Variants in ACSM3 observed in about 807,000 individuals in gnomAD.
ACSM3 encodes acyl-coenzyme A synthetase ACSM3, mitochondrial.
A neutral mutation model predicts 74.1 loss-of-function variants in ACSM3; 61 were observed. The ratio of observed to expected loss-of-function variants is 0.82; its 90% confidence interval spans 0.67 to 1.02. The LOEUF is 1.02. Ranked by LOEUF, ACSM3 falls within the 50% of genes least tolerant of loss-of-function variation. ACSM3 has a pLI of 0.00. For missense variants in ACSM3, 660 were observed against 697.0 expected (o/e 0.95, Z 0.60); for synonymous variants, 213 against 241.5 (o/e 0.88, Z 1.09).
intron 1 of ACSM3, among the ~76,000 whole-genome samples, chr16:20,706,635 C>A (rs749556773): frequency 6.6e-6 from 1 of 152,192 alleles, no homozygotes; most frequent in Admixed American, 6.6e-5. Context: ...TTGGAAATGG[C>A]CCCATCTGCC....
intron 4 of ACSM3, 136 bp downstream of exon 4, chr16:20,777,716 C>T: frequency 1.3e-6 from 1 of 758,078 alleles, no homozygotes; most frequent in Non-Finnish European, 2.1e-6. Context: ...TATTGCTGCA[C>T]TAATAGTGCT....
intron 9 of ACSM3, among the ~76,000 whole-genome samples, chr16:20,789,949 C>T (rs1481255613): frequency 7.9e-5 from 12 of 151,532 alleles, no homozygotes; most frequent in South Asian, 4.2e-4. Flanking sequence ...GCTAGGATTA[C>T]AGGCATGAGC....
chr16:20,749,104 GT>G (rs1484801526), intron 1 of ACSM3, among the ~76,000 whole-genome samples: 1 of 151,944 alleles, frequency 6.6e-6, no homozygotes, highest in African/African-American at 2.4e-5. Flanking sequence ...TGAGATATGT[GT>G]AATATGAACT....
rs141374944 is a variant in ACSM3, at chr16:20,675,465, G to A, written c.-190+643G>A. ...AAAGGCACGTTCCTGGCTAAGCAGCGTCTGAAACTCCTGTAATAGGACCCA... is the reference window on the plus strand; with the variant it reads ...AAAGGCACGTTCCTGGCTAAGCAGCATCTGAAACTCCTGTAATAGGACCCA... On this transcript the variant is annotated intron_variant, in intron 1 of 3. Transcript: ENST00000561584. Among the ~76,000 whole-genome samples the A allele has an allele frequency of 6.5e-3, 986 of 152,258 alleles. 25 individuals are homozygous for A. Among genetic ancestry groups the A allele is most frequent in the Admixed American group, 0.044 (669 of 15,302 alleles).
intron 3 of ACSM3, among the ~76,000 whole-genome samples, chr16:20,758,170 C>A (rs1386671956): frequency 6.6e-6 from 1 of 152,154 alleles, no homozygotes; most frequent in African/African-American, 2.4e-5. Flanking sequence ...AGGGAGGATT[C>A]CCTCTTTTTC....
chr16:20,682,980 C>CTCAAGCCTTTG (rs1263343806), intron 1 of ACSM3, among the ~76,000 whole-genome samples: 1 of 152,156 alleles, frequency 6.6e-6, no homozygotes, highest in Non-Finnish European at 1.5e-5. Context: ...CAACAGTGAG[C>CTCAAGCCTTTG]TCAAGCCTTT....
chr16:20,756,097 T>C (rs1185343590), intron 3 of ACSM3, among the ~76,000 whole-genome samples: 1 of 152,170 alleles, frequency 6.6e-6, no homozygotes, highest in Non-Finnish European at 1.5e-5. Flanking sequence ...TAAACATACG[T>C]GTGCATGTGT....
intron 3 of ACSM3, among the ~76,000 whole-genome samples, chr16:20,776,604 T>C (rs1035599030): frequency 1.5e-4 from 23 of 152,240 alleles, no homozygotes; most frequent in African/African-American, 5.3e-4. Flanking sequence ...TACTGAGCAC[T>C]GTTCTAAGTT....
intron 4 of ACSM3, chr16:20,780,418 G>C: frequency 1.8e-6 from 1 of 555,784 alleles, no homozygotes; most frequent in Non-Finnish European, 3.2e-6. Context: ...CTCTGCTGGA[G>C]GTATGATAAA....
intron 12 of ACSM3, among the ~76,000 whole-genome samples, chr16:20,794,007 A>T (rs1029362726): frequency 2.0e-5 from 3 of 152,174 alleles, no homozygotes; most frequent in African/African-American, 7.2e-5. Flanking sequence ...TGGATTAGTC[A>T]GAGTGAGGGG....
intron 7 of ACSM3, among the ~76,000 whole-genome samples, chr16:20,784,049 G>A (rs1255597725): frequency 2.0e-5 from 3 of 152,034 alleles, no homozygotes; most frequent in Admixed American, 6.6e-5. Context: ...CAGGTGATCC[G>A]CCCACCTCTA....
intron 1 of ACSM3, chr16:20,741,698 C>T (rs1423563409): frequency 1.9e-6 from 3 of 1,578,950 alleles, no homozygotes; most frequent in Non-Finnish European, 1.7e-6. Flanking sequence ...CTTTGCGCTT[C>T]CCGCCGCCAG....
At chr16:20,736,378 T>TAAAAAAAAAAAAAAA (rs33947944) in intron 1 of ACSM3, 1 of 129,244 alleles carries the variant, frequency 7.7e-6, no homozygotes, top group Non-Finnish European at 1.6e-5. Flanking sequence ...ACACAAATGT[T>TAAAAAAAAAAAAAAA]AAAAAAAAAA....
chr16:20,737,405 T>C (rs530637764), intron 1 of ACSM3: 1 of 1,008,608 alleles, frequency 9.9e-7, no homozygotes, highest in Non-Finnish European at 1.4e-6. Flanking sequence ...CACTCTTCTA[T>C]GTGGACTTCA....
At chr16:20,738,951 G>T in intron 1 of ACSM3, 1 of 1,614,144 alleles carries the variant, frequency 6.2e-7, no homozygotes, top group Non-Finnish European at 8.5e-7. Flanking sequence ...TCCACTGACT[G>T]GAATCTTCTT....
upstream of ACSM3, among the ~76,000 whole-genome samples, chr16:20,761,635 A>G (rs1441825055): frequency 6.6e-6 from 1 of 152,206 alleles, no homozygotes; most frequent in Non-Finnish European, 1.5e-5. Flanking sequence ...GTCAGGCGAC[A>G]ATCAGGTGAT....
At chr16:20,675,049 CAG>C (rs2020184290) in intron 1 of ACSM3, among the ~76,000 whole-genome samples, 1 of 152,084 alleles carries the variant, frequency 6.6e-6, no homozygotes, top group African/African-American at 2.4e-5. Context: ...AGTTTGCTGG[CAG>C]AATGGTAAGA....
intron 6 of ACSM3, 71 bp from the exon 7 acceptor site, chr16:20,781,637 G>T: frequency 8.7e-7 from 1 of 1,147,448 alleles, no homozygotes. Context: ...ATTGTGCTGC[G>T]TCAACCAAAG....
intron 1 of ACSM3, among the ~76,000 whole-genome samples, chr16:20,739,476 A>G (rs1276724089): frequency 6.6e-6 from 1 of 152,066 alleles, no homozygotes; most frequent in East Asian, 1.9e-4. Flanking sequence ...CAGCTGACTC[A>G]GTATTGATAA....
Sources: gnomAD v4.1 joint callset for allele counts (sites outside exome capture counted in the v4.1 genomes callset) on GRCh38, gnomAD v4.1.1 for gene constraint, MANE v1.5 for transcripts, NCBI Gene and HGNC (gene_info 2026-07-23, HGNC 2026-07-21) for gene names.